Variants in LARP4B observed in about 807,000 individuals in gnomAD.
LARP4B encodes La ribonucleoprotein 4B.
A neutral mutation model predicts 89.8 loss-of-function variants in LARP4B; 12 were observed. The observed-to-expected ratio is 0.13, with a 90% CI of 0.09 to 0.22. The LOEUF is 0.22. Ranked by LOEUF, LARP4B falls within the 10% of genes least tolerant of loss-of-function variation. The pLI is 1.00. For synonymous variants in LARP4B, 367 were observed against 363.3 expected (o/e 1.01, Z -0.12); for missense variants, 757 against 947.7 (o/e 0.80, Z 2.64).
intron 13 of LARP4B, among the ~76,000 whole-genome samples, chr10:821,281 C>T (rs1488477598): frequency 2.6e-5 from 4 of 152,322 alleles, no homozygotes; most frequent in Admixed American, 6.5e-5. Flanking sequence ...CCAAATACCG[C>T]GTCCCATCCC....
At chr10:946,710 G>A in the LARP4B span, among the ~76,000 whole-genome samples, 1 of 152,290 alleles carries the variant, frequency 6.6e-6, no homozygotes, top group East Asian at 1.9e-4. Flanking sequence ...AAACTATTCT[G>A]TGACTGAACA....
At chr10:952,181 A>T in the LARP4B span, among the ~76,000 whole-genome samples, 1,075 of 149,178 alleles carry the variant, frequency 7.2e-3, 24 homozygotes, top group African/African-American at 0.025. Context: ...TACTAAAAAT[A>T]AAAAAAAAAT....
chr10:890,179 T>C (rs543210265), intron 1 of LARP4B, among the ~76,000 whole-genome samples: 22 of 152,350 alleles, frequency 1.4e-4, no homozygotes, highest in Admixed American at 6.5e-4. Flanking sequence ...ATACAGGTTT[T>C]TCATGGTATA....
At chr10:865,442 C>A (rs1834853147) in intron 3 of LARP4B, among the ~76,000 whole-genome samples, 1 of 152,150 alleles carries the variant, frequency 6.6e-6, no homozygotes. Context: ...GACGAAGTTC[C>A]CACTGCAGCC....
intron 1 of LARP4B, among the ~76,000 whole-genome samples, chr10:906,124 C>G (rs948657761): frequency 2.6e-5 from 4 of 152,186 alleles, no homozygotes; most frequent in African/African-American, 9.7e-5. Context: ...TTATTTCTTT[C>G]CCACATAAAC....
chr10:918,077 T>G (rs1231898300), intron 1 of LARP4B, among the ~76,000 whole-genome samples: 2 of 152,198 alleles, frequency 1.3e-5, no homozygotes, highest in African/African-American at 4.8e-5. Context: ...TTTATTGTTT[T>G]ACCTCTAAGA....
At chr10:937,144 G>C in the LARP4B span, among the ~76,000 whole-genome samples, 1 of 152,198 alleles carries the variant, frequency 6.6e-6, no homozygotes, top group Non-Finnish European at 1.5e-5. Context: ...CTGGGCTCTA[G>C]TGATCCTCCC....
At chr10:808,751 G>GCGCGCA (rs71376870), downstream of LARP4B, 3 of 94,606 alleles carry the variant, frequency 3.2e-5, no homozygotes, top group Non-Finnish European at 4.8e-5. Flanking sequence ...GCGTGTGCAC[G>GCGCGCA]CACACACACA....
intron 1 of LARP4B, among the ~76,000 whole-genome samples, chr10:918,632 CAAAAAA>C (rs57396015): frequency 1.2e-4 from 6 of 48,374 alleles, no homozygotes; most frequent in Non-Finnish European, 1.7e-4. Flanking sequence ...GACCCTGTCT[CAAAAAA>C]AAAAAAAAAA....
chr10:979,249 CTCAATCTATT>C, the LARP4B span, among the ~76,000 whole-genome samples: 13 of 152,166 alleles, frequency 8.5e-5, no homozygotes, highest in African/African-American at 3.1e-4. Flanking sequence ...TACCGGTCTT[CTCAATCTATT>C]TCAATCTGCT....
At position 829,362 on chromosome 10, in the gene LARP4B, T is replaced by C. The variant is rs779694497; in HGVS notation, c.1125+23A>G. ...TCTAGCATAGTGTCTACAACATAAA[T>C]TCCTAGTAAAGAAATGACGTACCAA... On this transcript the variant is annotated intron_variant, in intron 11 of 17. Transcript: ENST00000316157. 3.2e-6 allele frequency: 5 copies of C among 1,555,072 alleles called. No homozygotes were observed. In the African/African-American group the frequency reaches 6.9e-5, roughly 21 times the overall value.
chr10:973,386 C>G, the LARP4B span, among the ~76,000 whole-genome samples: 1 of 151,892 alleles, frequency 6.6e-6, no homozygotes, highest in Non-Finnish European at 1.5e-5. Context: ...GAGTCTTGCT[C>G]TGTCACCCAG....
At chr10:865,003 T>C (rs982378080) in intron 3 of LARP4B, among the ~76,000 whole-genome samples, 2 of 152,044 alleles carry the variant, frequency 1.3e-5, no homozygotes, top group African/African-American at 2.4e-5. Context: ...ACAAAAGGTG[T>C]AGAAGATGAA....
At chr10:870,412 G>A (rs1352302088) in intron 3 of LARP4B, among the ~76,000 whole-genome samples, 2 of 152,166 alleles carry the variant, frequency 1.3e-5, no homozygotes, top group African/African-American at 2.4e-5. Flanking sequence ...TGCTGTCCAC[G>A]GGGACAGCGG....
At chr10:940,539 G>A in the LARP4B span, among the ~76,000 whole-genome samples, 2 of 152,256 alleles carry the variant, frequency 1.3e-5, no homozygotes, top group African/African-American at 4.8e-5. Context: ...GGAGGGGGGC[G>A]CCTGCCCAGA....
intron 1 of LARP4B, among the ~76,000 whole-genome samples, chr10:930,312 A>G (rs999745860): frequency 6.6e-6 from 1 of 152,218 alleles, no homozygotes; most frequent in Admixed American, 6.5e-5. Context: ...CCTCACGCAT[A>G]CTGTTTATAC....
intron 1 of LARP4B, among the ~76,000 whole-genome samples, chr10:913,211 T>TA (rs1836722190): frequency 6.6e-6 from 1 of 152,136 alleles, no homozygotes; most frequent in Admixed American, 6.5e-5. Context: ...AACAGATAAT[T>TA]AAGAGACTGA....
chr10:821,901 T>TGGATGAGTACTGAGCCACAGGTGGG (rs1832369994), intron 13 of LARP4B, among the ~76,000 whole-genome samples: 5 of 152,306 alleles, frequency 3.3e-5, no homozygotes, highest in Admixed American at 3.3e-4. Flanking sequence ...CTATGGGACA[T>TGGATGAGTACTGAGCCACAGGTGGG]GGATGAGTAC....
the LARP4B span, among the ~76,000 whole-genome samples, chr10:969,640 G>C: frequency 6.6e-6 from 1 of 152,108 alleles, no homozygotes; most frequent in African/African-American, 2.4e-5. Context: ...TAAGGCACAA[G>C]AATTGCTTGA....
Sources: allele counts gnomAD v4.1 joint callset (sites outside exome capture counted in the v4.1 genomes callset), GRCh38; gene constraint gnomAD v4.1.1; transcripts MANE v1.5; gene names NCBI Gene and HGNC (gene_info 2026-07-23, HGNC 2026-07-21).